Variants in TNIK observed in about 807,000 individuals in gnomAD.
The protein encoded by TNIK is TRAF2 and NCK interacting kinase, also known as TRAF2 and NCK-interacting protein kinase.
In TNIK, 49 loss-of-function variants were observed where a neutral mutation model predicts 191.3. The observed-to-expected ratio is 0.26, with a 90% CI of 0.20 to 0.32. TNIK has a LOEUF of 0.32. TNIK is among the 10% of genes least tolerant of loss of function. The pLI, the probability that TNIK is intolerant of heterozygous loss-of-function variation, is 1.00. For synonymous variants in TNIK, 594 were observed against 600.9 expected (o/e 0.99, Z 0.17); for missense variants, 1,155 against 1,702.3 (o/e 0.68, Z 5.66).
chr3:171,134,113 G>A (rs1234717125), intron 15 of TNIK, among the ~76,000 whole-genome samples: 1 of 151,994 alleles, frequency 6.6e-6, no homozygotes, highest in East Asian at 1.9e-4. Context: ...TTAAGGAGCA[G>A]AAGAAAGAAA....
chr3:171,345,532 G>A (rs1409778725), intron 2 of TNIK, among the ~76,000 whole-genome samples: 1 of 152,006 alleles, frequency 6.6e-6, no homozygotes, highest in Non-Finnish European at 1.5e-5. Context: ...AGTATCTATG[G>A]TTATGGATTT....
At chr3:171,107,245 A>G (rs372462978) in intron 20 of TNIK, 39 bp from the exon 21 acceptor site, 1 of 1,598,678 alleles carries the variant, frequency 6.3e-7, no homozygotes, top group African/African-American at 1.4e-5. Flanking sequence ...AATCCACAGA[A>G]GGAGGAAAAG....
chr3:171,319,068 AC>A (rs897824364), intron 2 of TNIK, among the ~76,000 whole-genome samples: 17 of 152,142 alleles, frequency 1.1e-4, no homozygotes, highest in Non-Finnish European at 5.9e-5. Context: ...AGTCCTATTT[AC>A]TTGGGACGCT....
At chr3:171,094,280 G>A (rs1403595766) in intron 22 of TNIK, among the ~76,000 whole-genome samples, 3 of 151,726 alleles carry the variant, frequency 2.0e-5, no homozygotes, top group Non-Finnish European at 2.9e-5. Flanking sequence ...GACTACAGGC[G>A]CCCACCACCA....
intron 2 of TNIK, among the ~76,000 whole-genome samples, chr3:171,343,307 A>G (rs1371595959): frequency 2.0e-5 from 3 of 152,312 alleles, no homozygotes; most frequent in African/African-American, 7.2e-5. Flanking sequence ...ATGTAATGAA[A>G]ATGAGACTAA....
At chr3:171,383,471 AC>A (rs1230204212) in intron 1 of TNIK, among the ~76,000 whole-genome samples, 12 of 152,346 alleles carry the variant, frequency 7.9e-5, no homozygotes, top group African/African-American at 2.6e-4. Context: ...CACTGTGGCA[AC>A]CTGACTGGAA....
intron 2 of TNIK, among the ~76,000 whole-genome samples, chr3:171,264,776 G>A (rs1023821405): frequency 5.9e-5 from 9 of 152,202 alleles, no homozygotes; most frequent in Non-Finnish European, 1.2e-4. Context: ...ACAGAAGAAG[G>A]AAGCGATAGC....
At chr3:171,165,852 A>G (rs1734552280) in intron 10 of TNIK, among the ~76,000 whole-genome samples, 1 of 152,020 alleles carries the variant, frequency 6.6e-6, no homozygotes, top group African/African-American at 2.4e-5. Flanking sequence ...CCTGCTGTCT[A>G]CCCAGAAAGC....
intron 1 of TNIK, among the ~76,000 whole-genome samples, chr3:171,455,650 G>A (rs1728710306): frequency 6.6e-6 from 1 of 152,168 alleles, no homozygotes; most frequent in African/African-American, 2.4e-5. Flanking sequence ...GTGCTGTATG[G>A]TTTTTAAAGC....
chr3:171,330,817 T>G (rs531506767), intron 2 of TNIK, among the ~76,000 whole-genome samples: 37 of 152,174 alleles, frequency 2.4e-4, no homozygotes, highest in Admixed American at 6.5e-4. Flanking sequence ...CAATTTGTCA[T>G]GCCATGTTAA....
rs1029071525 is a variant in TNIK at position 171,063,461 on chromosome 3, CAG to C, written c.*418_*419del. On this transcript the variant is annotated 3_prime_UTR_variant, in exon 33 of 33. Transcript: ENST00000436636. ...CATATACTTAAAACTAGTAGGCAGA[CAG>C]AATTTAAAAGACTCATTTTCGCAGT... is the stretch of plus-strand genomic sequence containing the variant. The C allele has an allele frequency of 3.2e-5, 5 of 155,738 alleles. No individual in the cohort carries two copies. Among genetic ancestry groups the C allele is most frequent in the African/African-American group, 1.2e-4 (5 of 41,576 alleles). The allele number at this position is 155,738 out of a possible 1,614,324, so 9.6% of individuals were successfully genotyped here. A position where few individuals can be genotyped will look rare whatever the true frequency, so the allele number is the denominator to read the frequency against.
At chr3:171,074,978 T>G (rs1271102691) in intron 28 of TNIK, among the ~76,000 whole-genome samples, 3 of 152,222 alleles carry the variant, frequency 2.0e-5, no homozygotes, top group African/African-American at 7.2e-5. Flanking sequence ...GTTAGGACAA[T>G]GAAGGGACGG....
At chr3:171,086,539 CTG>C (rs962666192) in intron 24 of TNIK, among the ~76,000 whole-genome samples, 13 of 152,230 alleles carry the variant, frequency 8.5e-5, no homozygotes, top group African/African-American at 2.9e-4. Context: ...CAGTATATCA[CTG>C]TGTTCTTTTC....
chr3:171,308,738 G>A (rs1046054446), intron 2 of TNIK, among the ~76,000 whole-genome samples: 1 of 152,040 alleles, frequency 6.6e-6, no homozygotes, highest in African/African-American at 2.4e-5. Flanking sequence ...TTAAAAGTGG[G>A]CAAAGGACAT....
At chr3:171,082,001 A>C (rs1720756043) in intron 27 of TNIK, among the ~76,000 whole-genome samples, 1 of 152,194 alleles carries the variant, frequency 6.6e-6, no homozygotes, top group South Asian at 2.1e-4. Flanking sequence ...AGAGGTAAAG[A>C]GCTATAAATA....
intron 2 of TNIK, among the ~76,000 whole-genome samples, chr3:171,262,877 G>C (rs1747819281): frequency 6.6e-6 from 1 of 152,112 alleles, no homozygotes; most frequent in South Asian, 2.1e-4. Context: ...GTTGTGACCT[G>C]TATGGGTCAA....
At chr3:171,419,091 A>C (rs997019600) in intron 1 of TNIK, among the ~76,000 whole-genome samples, 1 of 152,132 alleles carries the variant, frequency 6.6e-6, no homozygotes, top group Non-Finnish European at 1.5e-5. Context: ...ATTCTATTTA[A>C]CCATTATCAC....
chr3:171,066,137 G>A, intron 32 of TNIK, 50 bp downstream of exon 32: 1 of 1,602,234 alleles, frequency 6.2e-7, no homozygotes, highest in South Asian at 1.1e-5. Flanking sequence ...ACAGGTACCT[G>A]GTGGTCTCTT....
rs574742567 is a variant in TNIK at position 171,085,249 on chromosome 3, A to T, written c.2887-20T>A. The T allele has an allele frequency of 3.2e-6, 5 of 1,585,942 alleles. No individual in the cohort carries two copies. The South Asian group carries it at 5.7e-5, about 18-fold the overall frequency. ...GCCATACTAATCAATAAGCAAGAAG[A>T]TTAAGAAGAGCAGATAAATACTGCA... On this transcript the variant is annotated intron_variant, in intron 24 of 32. Coordinates refer to ENST00000436636, the MANE Select transcript of TNIK (RefSeq NM_015028.4).
Sources: allele counts gnomAD v4.1 joint callset (sites outside exome capture counted in the v4.1 genomes callset), GRCh38; gene constraint gnomAD v4.1.1; transcripts MANE v1.5; gene names NCBI Gene and HGNC (gene_info 2026-07-23, HGNC 2026-07-21).